The following BMERB1 variants were observed in gnomAD, a reference collection of about 807,000 sequenced individuals.
BMERB1 encodes the protein bMERB domain-containing protein 1.
In BMERB1, 12 loss-of-function variants were observed where a neutral mutation model predicts 23.6. The observed-to-expected ratio is 0.51, with a 90% confidence interval of 0.33 to 0.82. BMERB1 has a LOEUF of 0.82. BMERB1 is among the 40% of genes least tolerant of loss of function. BMERB1 has a pLI of 0.03. For missense variants in BMERB1, 247 were observed against 255.4 expected (o/e 0.97, Z 0.22); for synonymous variants, 122 against 96.6 (o/e 1.26, Z -1.54).
At chr16:15,539,842 A>C (rs1485024108) in intron 2 of BMERB1, among the ~76,000 whole-genome samples, 1 of 133,566 alleles carries the variant, frequency 7.5e-6, no homozygotes, top group Non-Finnish European at 1.5e-5. Flanking sequence ...ATTCCGTCTC[A>C]AAAAAAAAAA....
chr16:15,478,798 TTTAAGA>T (rs1475235326), intron 1 of BMERB1, among the ~76,000 whole-genome samples: 1 of 152,176 alleles, frequency 6.6e-6, no homozygotes, highest in African/African-American at 2.4e-5. Flanking sequence ...ACCAGTTTCA[TTTAAGA>T]ATGTTCTTGA....
Position 15,555,486 on chromosome 16 carries a change from G to A in BMERB1, c.231-12497G>A, listed in dbSNP as rs8055899. Among the ~76,000 whole-genome samples the A allele has an allele frequency of 2.1e-3, 319 of 152,246 alleles. 4 individuals carry two copies. Among genetic ancestry groups the A allele is most frequent in the African/African-American group, 7.4e-3 (306 of 41,562 alleles). The stretch of plus-strand genomic sequence containing the variant: ...CTTGGAAGAGAGAAGAATAAACTGC[G>A]CTTGAGGAAGTTGACATTTGGGAAC... On this transcript the variant is annotated intron_variant, in intron 2 of 5. Coordinates refer to ENST00000300006, the MANE Select transcript of BMERB1 (RefSeq NM_033201.3).
chr16:15,587,027 G>A lies in BMERB1; in HGVS notation c.*198G>A, dbSNP rs1015925400. ...GTGTAGCAGTAGGGAGTCTCTCACC[G>A]TCGCATGGTCCTCCCCAGAGCATGC... On this transcript the variant is annotated 3_prime_UTR_variant, in exon 6 of 6. Coordinates refer to ENST00000300006, the MANE Select transcript of BMERB1 (RefSeq NM_033201.3). 21 of 560,984 alleles carry A rather than the reference G, an allele frequency of 3.7e-5. No individual in the cohort carries two copies. Among genetic ancestry groups the A allele is most frequent in the Admixed American group, 6.7e-5 (2 of 29,918 alleles). 34.8% of individuals were successfully genotyped at this position (560,984 alleles called of 1,614,324 possible). A position where few individuals can be genotyped will look rare whatever the true frequency, so the allele number is the denominator to read the frequency against.
intron 2 of BMERB1, among the ~76,000 whole-genome samples, chr16:15,523,522 C>T (rs1396936561): frequency 6.6e-6 from 1 of 152,164 alleles, no homozygotes; most frequent in Non-Finnish European, 1.5e-5. Flanking sequence ...ATGCCCTTCC[C>T]TTCCTATCAC....
intron 2 of BMERB1, among the ~76,000 whole-genome samples, chr16:15,566,197 A>G (rs1045802676): frequency 9.2e-5 from 14 of 152,230 alleles, no homozygotes; most frequent in East Asian, 5.8e-4. Flanking sequence ...TTTTTGTAGC[A>G]CACACACAAA....
chr16:15,477,255 G>A (rs2051282398), intron 1 of BMERB1, among the ~76,000 whole-genome samples: 1 of 152,066 alleles, frequency 6.6e-6, no homozygotes, highest in Admixed American at 6.6e-5. Flanking sequence ...GCAAGCAGGG[G>A]AAATGCCAGA....
intron 1 of BMERB1, among the ~76,000 whole-genome samples, chr16:15,444,037 A>G (rs907883538): frequency 6.8e-6 from 1 of 147,828 alleles, no homozygotes; most frequent in African/African-American, 2.5e-5. Flanking sequence ...AAAGAGGAAG[A>G]GTGTAGAGAA....
chr16:15,450,225 G>A (rs181138941), intron 1 of BMERB1, among the ~76,000 whole-genome samples: 317 of 151,990 alleles, frequency 2.1e-3, no homozygotes, highest in African/African-American at 7.0e-3. Flanking sequence ...CTTGATTGGT[G>A]AGCACTGAAA....
rs776510304 is a variant in BMERB1, at chr16:15,567,950, T to C, written c.231-33T>C. 3.8e-6 allele frequency: 6 copies of C among 1,596,984 alleles called. No homozygotes were observed. In the Admixed American group the frequency reaches 1.0e-4, roughly 27 times the overall value. ...CTCAGGGCGTAATGCTCTGCTGATG[T>C]AACCTGCTGTTGATGGTGTCCTGTT... On this transcript the variant is annotated intron_variant, in intron 2 of 5. Coordinates refer to ENST00000300006, the MANE Select transcript of BMERB1 (RefSeq NM_033201.3).
At chr16:15,558,439 G>T (rs964489024) in intron 2 of BMERB1, among the ~76,000 whole-genome samples, 9 of 151,968 alleles carry the variant, frequency 5.9e-5, no homozygotes, top group African/African-American at 2.2e-4. Flanking sequence ...ATCTTCATAG[G>T]GTGCATGTTT....
intron 2 of BMERB1, among the ~76,000 whole-genome samples, chr16:15,551,936 G>A (rs1395134560): frequency 6.6e-6 from 1 of 152,080 alleles, no homozygotes; most frequent in Non-Finnish European, 1.5e-5. Context: ...CCTTAGTTCT[G>A]GGATAACAGG....
intron 2 of BMERB1, among the ~76,000 whole-genome samples, chr16:15,517,948 T>G (rs2051791585): frequency 6.6e-6 from 1 of 150,414 alleles, no homozygotes; most frequent in African/African-American, 2.4e-5. Context: ...TGTGTGGGTG[T>G]GTGTGTGGAT....
chr16:15,549,747 G>A (rs1252463226), intron 2 of BMERB1, among the ~76,000 whole-genome samples: 3 of 151,988 alleles, frequency 2.0e-5, no homozygotes, highest in African/African-American at 7.3e-5. Flanking sequence ...AAACAATCAG[G>A]GGACTTACCT....
intron 2 of BMERB1, among the ~76,000 whole-genome samples, chr16:15,529,135 C>T (rs2051942146): frequency 6.6e-6 from 1 of 152,176 alleles, no homozygotes; most frequent in Admixed American, 6.5e-5. Flanking sequence ...CGCCATTCTC[C>T]TGCCTCAGCC....
intron 2 of BMERB1, among the ~76,000 whole-genome samples, chr16:15,520,038 C>T (rs983324827): frequency 3.9e-5 from 6 of 152,124 alleles, no homozygotes; most frequent in African/African-American, 7.2e-5. Context: ...CTGAGTGCTA[C>T]GTCCCCTGCA....
At chr16:15,507,334 G>A (rs2051603296) in intron 1 of BMERB1, among the ~76,000 whole-genome samples, 1 of 152,128 alleles carries the variant, frequency 6.6e-6, no homozygotes, top group African/African-American at 2.4e-5. Context: ...GCATACCAGG[G>A]CTGCCCGGGT....
chr16:15,500,941 C>T (rs1042395627), intron 1 of BMERB1, among the ~76,000 whole-genome samples: 9 of 152,102 alleles, frequency 5.9e-5, no homozygotes, highest in Non-Finnish European at 1.0e-4. Context: ...CGTGAGCCAC[C>T]GTGCCTGGCC....
At position 15,444,123 on chromosome 16, in the gene BMERB1, G is replaced by GTTTTTTTTTTTTTTTTTTTTT. The variant is rs150793082; in HGVS notation, c.106+9371_106+9391dup. Among the ~76,000 whole-genome samples, 100 of 35,620 alleles carry GTTTTTTTTTTTTTTTTTTTTT rather than the reference G, an allele frequency of 2.8e-3. 15 individuals carry two copies. The highest frequency in any genetic ancestry group is 5.4e-3 in the East Asian group (3 of 558). The allele number at this position is 35,620 out of a possible 152,430, so 23.4% of individuals were successfully genotyped here. ...AGGCCAGGGTCCAGGCACCAGCTTTGTTTTTTTTTTTTTTTTTTTTTTTTT... is the reference window on the plus strand; with the variant it reads ...AGGCCAGGGTCCAGGCACCAGCTTTGTTTTTTTTTTTTTTTTTTTTTTTTTTTTTTTTTTTTTTTTTTTTTT... On this transcript the variant is annotated intron_variant, in intron 1 of 5. Transcript: ENST00000300006.
intron 1 of BMERB1, among the ~76,000 whole-genome samples, chr16:15,489,306 G>A (rs1400233025): frequency 6.6e-6 from 1 of 152,136 alleles, no homozygotes; most frequent in African/African-American, 2.4e-5. Context: ...TTGCACATGA[G>A]GACATCACAC....
Sources: gnomAD v4.1 joint callset for allele counts (sites outside exome capture counted in the v4.1 genomes callset) on GRCh38, gnomAD v4.1.1 for gene constraint, MANE v1.5 for transcripts, NCBI Gene and HGNC (gene_info 2026-07-23, HGNC 2026-07-21) for gene names.